The following FARS2 variants were observed in gnomAD, a reference collection of about 807,000 sequenced individuals.
FARS2 encodes the protein phenylalanine--tRNA ligase, mitochondrial.
In FARS2, 40 loss-of-function variants were observed where a neutral mutation model predicts 46.4. That is an observed-to-expected ratio of 0.86 (90% CI 0.67 to 1.12). The LOEUF (loss-of-function observed/expected upper bound fraction) is 1.12. Ranked by LOEUF, FARS2 falls within the 50% of genes most tolerant of loss-of-function variation. FARS2 has a pLI of 0.00. For missense variants in FARS2, 513 were observed against 567.9 expected (o/e 0.90, Z 0.98); for synonymous variants, 234 against 214.9 (o/e 1.09, Z -0.78).
chr6:5,432,325 AAAATATATATATATATATATATATAT>A (rs1189953145), intron 4 of FARS2, among the ~76,000 whole-genome samples: 1 of 47,314 alleles, frequency 2.1e-5, no homozygotes, highest in Non-Finnish European at 4.4e-5. Flanking sequence ...AAAAAAAAAA[AAAATATATATATATATATATATATAT>A]TATATATATA....
intron 1 of FARS2, 84 bp from the exon 2 acceptor site, chr6:5,368,466 G>A: frequency 3.3e-6 from 4 of 1,216,080 alleles, no homozygotes; most frequent in Middle Eastern, 2.9e-4. Flanking sequence ...TAGGACAAGA[G>A]GGAGCTGGTG....
intron 2 of FARS2, among the ~76,000 whole-genome samples, chr6:5,402,360 G>T (rs1435358871): frequency 1.3e-5 from 1 of 77,640 alleles, no homozygotes; most frequent in Non-Finnish European, 2.4e-5. Context: ...TTAAGTATTA[G>T]TTTGTGTTTC....
intron 6 of FARS2, among the ~76,000 whole-genome samples, chr6:5,723,559 C>T (rs575190015): frequency 5.3e-5 from 8 of 152,308 alleles, no homozygotes; most frequent in African/African-American, 1.9e-4. Flanking sequence ...CTCTCAGTCA[C>T]GTTTACTGCA....
chr6:5,728,564 CAGTA>C (rs1760419939), intron 6 of FARS2, among the ~76,000 whole-genome samples: 1 of 152,136 alleles, frequency 6.6e-6, no homozygotes, highest in Admixed American at 6.5e-5. Context: ...TCTCTGCCTG[CAGTA>C]AGTGACAGGA....
At position 5,299,271 on chromosome 6, in the gene FARS2, A is replaced by G. The variant is rs893294565; in HGVS notation, c.-22+37611A>G. On this transcript the variant is annotated intron_variant, in intron 1 of 6. Transcript: ENST00000274680. ...TTTAGACTGTCATCTCCTCTGGCGAACATAGTTATAATGCTTCCTACACTC... is the reference window on the plus strand; with the variant it reads ...TTTAGACTGTCATCTCCTCTGGCGAGCATAGTTATAATGCTTCCTACACTC... Among the ~76,000 whole-genome samples, 5 of 152,320 alleles carry G rather than the reference A, an allele frequency of 3.3e-5. No individual in the cohort carries two copies. In the South Asian group the frequency reaches 1.0e-3, roughly 32 times the overall value.
chr6:5,648,674 C>A (rs1346942785), intron 6 of FARS2, among the ~76,000 whole-genome samples: 2 of 152,082 alleles, frequency 1.3e-5, no homozygotes, highest in Non-Finnish European at 2.9e-5. Flanking sequence ...TTCCATCTAC[C>A]CTTCATAGGA....
intron 4 of FARS2, among the ~76,000 whole-genome samples, chr6:5,538,519 T>C (rs139468240): frequency 6.6e-6 from 1 of 152,294 alleles, no homozygotes; most frequent in African/African-American, 2.4e-5. Context: ...TTTTGACCGA[T>C]TATGTAGCAC....
chr6:5,678,072 C>T (rs904083741), intron 6 of FARS2, among the ~76,000 whole-genome samples: 3 of 152,066 alleles, frequency 2.0e-5, no homozygotes, highest in Admixed American at 6.5e-5. Flanking sequence ...CTGAGCAAAA[C>T]GAAGAGCCTG....
chr6:5,356,474 T>C (rs1757937357), intron 1 of FARS2, among the ~76,000 whole-genome samples: 1 of 151,992 alleles, frequency 6.6e-6, no homozygotes, highest in Non-Finnish European at 1.5e-5. Context: ...AGATGATAGA[T>C]AGATAGATTA....
At chr6:5,558,138 G>A (rs569350055) in intron 5 of FARS2, among the ~76,000 whole-genome samples, 1 of 152,232 alleles carries the variant, frequency 6.6e-6, no homozygotes, top group African/African-American at 2.4e-5. Flanking sequence ...AGTTAAGAAA[G>A]GTAAATGTAG....
chr6:5,334,540 T>C (rs1771023169), intron 1 of FARS2, among the ~76,000 whole-genome samples: 1 of 152,174 alleles, frequency 6.6e-6, no homozygotes, highest in Non-Finnish European at 1.5e-5. Context: ...TTGAAAAGAA[T>C]GAGGTAGATC....
chr6:5,369,214 G>T (rs1379672312), intron 2 of FARS2, 32 bp downstream of exon 2: 1 of 1,588,438 alleles, frequency 6.3e-7, no homozygotes, highest in Non-Finnish European at 8.5e-7. Context: ...ATCGCTGAAG[G>T]ATGTCATAGA....
At chr6:5,588,247 C>T (rs559861504) in intron 5 of FARS2, among the ~76,000 whole-genome samples, 6 of 104,496 alleles carry the variant, frequency 5.7e-5, no homozygotes, top group South Asian at 3.3e-4. Flanking sequence ...GGGTGAAGGG[C>T]GGGGGAAGTG....
At chr6:5,401,746 C>T (rs987347348) in intron 2 of FARS2, among the ~76,000 whole-genome samples, 2 of 152,040 alleles carry the variant, frequency 1.3e-5, no homozygotes, top group African/African-American at 4.8e-5. Flanking sequence ...ACTTCTTGAC[C>T]CACATTTTTA....
chr6:5,259,463 T>A (rs1764849066), upstream of FARS2, among the ~76,000 whole-genome samples: 1 of 152,258 alleles, frequency 6.6e-6, no homozygotes, highest in South Asian at 2.1e-4. Flanking sequence ...CTCAGTGGTA[T>A]GACCCAGATG....
chr6:5,506,647 A>G (rs1478274144), intron 4 of FARS2, among the ~76,000 whole-genome samples: 1 of 152,210 alleles, frequency 6.6e-6, no homozygotes, highest in African/African-American at 2.4e-5. Flanking sequence ...ACAAACCTTC[A>G]TAACATTACA....
At chr6:5,749,802 A>G (rs902594912) in intron 6 of FARS2, among the ~76,000 whole-genome samples, 3 of 152,220 alleles carry the variant, frequency 2.0e-5, no homozygotes, top group Admixed American at 6.5e-5. Flanking sequence ...AAGGCTTGTC[A>G]CTAGGGAAGG....
In FARS2 at chr6:5,613,196, A is replaced by C. The variant is rs1270112359; in HGVS notation, c.1093A>C (p.Asn365His). Reference protein sequence around the residue: ...QPLSKYPAVINDISFWLPSEN... With the variant: ...QPLSKYPAVIHDISFWLPSEN... ...TCTTAGCAAATATCCGGCTGTGATC[A>C]ATGATATTTCATTCTGGTTGCCCTC... is the stretch of plus-strand genomic sequence containing the variant. Residue 365 changes from asparagine to histidine, a missense_variant, in exon 6 of 7, where the codon AAT becomes CAT. Coordinates refer to ENST00000274680, the MANE Select transcript of FARS2 (RefSeq NM_006567.5). 1 of 1,613,140 alleles carries C rather than the reference A, an allele frequency of 6.2e-7. No homozygotes were observed. Among genetic ancestry groups the C allele is most frequent in the Non-Finnish European group, 8.5e-7 (1 of 1,179,626 alleles).
At chr6:5,684,178 G>A (rs936265471) in intron 6 of FARS2, among the ~76,000 whole-genome samples, 2 of 152,116 alleles carry the variant, frequency 1.3e-5, no homozygotes, top group Admixed American at 6.6e-5. Context: ...GTGAATAACG[G>A]TGTCATCATT....
Sources: gnomAD v4.1 joint callset for allele counts (sites outside exome capture counted in the v4.1 genomes callset) on GRCh38, gnomAD v4.1.1 for gene constraint, MANE v1.5 for transcripts, NCBI Gene and HGNC (gene_info 2026-07-23, HGNC 2026-07-21) for gene names.